CHRM2: variants seen among roughly 807,000 people sequenced by gnomAD.
The protein encoded by CHRM2 is cholinergic receptor muscarinic 2.
CHRM2 carries 8 observed loss-of-function variants against 25.0 expected under a neutral mutation model. The ratio of observed to expected loss-of-function variants is 0.32; its 90% CI spans 0.19 to 0.58. CHRM2 has a LOEUF of 0.58. CHRM2 is among the 20% of genes least tolerant of loss of function. CHRM2 has a pLI of 0.88. For missense variants in CHRM2, 440 were observed against 567.1 expected (o/e 0.78, Z 2.28); for synonymous variants, 202 against 205.7 (o/e 0.98, Z 0.15).
chr7:136,965,088 T>C (rs772126657), intron 2 of CHRM2, among the ~76,000 whole-genome samples: 13 of 152,136 alleles, frequency 8.5e-5, no homozygotes, highest in Non-Finnish European at 1.6e-4. Context: ...TAGATATCTA[T>C]GAATTAATGC....
chr7:136,959,082 A>AT (rs1442716758), intron 2 of CHRM2, among the ~76,000 whole-genome samples: 1 of 152,138 alleles, frequency 6.6e-6, no homozygotes, highest in Non-Finnish European at 1.5e-5. Flanking sequence ...ATAGGCACCA[A>AT]TATCATGTGA....
chr7:136,954,188 T>C (rs1490598226), intron 2 of CHRM2, among the ~76,000 whole-genome samples: 1 of 152,186 alleles, frequency 6.6e-6, no homozygotes, highest in Non-Finnish European at 1.5e-5. Flanking sequence ...TACACATACA[T>C]ATGCATTATA....
At chr7:137,009,498 T>C (rs1804667170) in intron 3 of CHRM2, among the ~76,000 whole-genome samples, 1 of 152,076 alleles carries the variant, frequency 6.6e-6, no homozygotes, top group Admixed American at 6.6e-5. Flanking sequence ...AGCCCCAGTA[T>C]TGTCCTGGAC....
intron 3 of CHRM2, among the ~76,000 whole-genome samples, chr7:136,996,197 A>G (rs552744522): frequency 6.6e-6 from 1 of 152,134 alleles, no homozygotes; most frequent in African/African-American, 2.4e-5. Flanking sequence ...AGTATAAAAT[A>G]TATAAATTAG....
chr7:136,921,791 TTTC>T (rs745451407), intron 2 of CHRM2, among the ~76,000 whole-genome samples: 57 of 140,464 alleles, frequency 4.1e-4, no homozygotes, highest in African/African-American at 5.3e-4. Context: ...TCTTTCTTTC[TTTC>T]TTTTTTTTGA....
At chr7:136,971,395 C>A (rs1801758300) in intron 2 of CHRM2, among the ~76,000 whole-genome samples, 1 of 151,972 alleles carries the variant, frequency 6.6e-6, no homozygotes, top group Non-Finnish European at 1.5e-5. Flanking sequence ...GCAGGGGGAT[C>A]ACCTGAGGTC....
intron 2 of CHRM2, among the ~76,000 whole-genome samples, chr7:136,920,934 T>C (rs183567668): frequency 9.9e-5 from 15 of 152,240 alleles, no homozygotes; most frequent in East Asian, 5.8e-4. Flanking sequence ...TTTTCCTAAA[T>C]ATCCCTTCTA....
intron 2 of CHRM2, among the ~76,000 whole-genome samples, chr7:136,939,893 C>A (rs1448171705): frequency 1.3e-5 from 2 of 152,086 alleles, no homozygotes; most frequent in African/African-American, 2.4e-5. Context: ...ACAATTATAT[C>A]CAGTGAATAT....
At chr7:137,002,266 CA>C (rs1309752071) in intron 3 of CHRM2, among the ~76,000 whole-genome samples, 3 of 152,004 alleles carry the variant, frequency 2.0e-5, no homozygotes, top group African/African-American at 4.8e-5. Flanking sequence ...ATGGTAAATG[CA>C]AGTTACAAAT....
chr7:136,912,812 A>G (rs1025617309), intron 2 of CHRM2, among the ~76,000 whole-genome samples: 5 of 151,986 alleles, frequency 3.3e-5, no homozygotes, highest in Non-Finnish European at 7.4e-5. Context: ...TAAATAAACA[A>G]ATAACAACAT....
chr7:136,971,903 G>A (rs1240860704), intron 2 of CHRM2, among the ~76,000 whole-genome samples: 5 of 151,856 alleles, frequency 3.3e-5, no homozygotes, highest in Admixed American at 6.6e-5. Context: ...TGTATTTTTG[G>A]TGCTAATCTC....
At chr7:136,938,358 G>T (rs1244772686) in intron 2 of CHRM2, 3 of 1,582,402 alleles carry the variant, frequency 1.9e-6, no homozygotes, top group Non-Finnish European at 2.6e-6. Flanking sequence ...GCTGCAGGAG[G>T]CTCCACTTGG....
chr7:136,914,577 ATAAGGCAGTATTATATCAGAGAAAC>A (rs1186815671), intron 2 of CHRM2, among the ~76,000 whole-genome samples: 3 of 151,932 alleles, frequency 2.0e-5, no homozygotes, highest in Non-Finnish European at 4.4e-5. Flanking sequence ...ATAGGAGAAA[ATAAGGCAGTATTATATCAGAGAAAC>A]TAAGGCAGTA....
intron 2 of CHRM2, among the ~76,000 whole-genome samples, chr7:136,905,044 A>G (rs1050195237): frequency 6.6e-5 from 10 of 151,968 alleles, no homozygotes; most frequent in Admixed American, 5.9e-4. Context: ...AAATATTAAT[A>G]TTGGTTGAAA....
chr7:136,923,587 C>A (rs570522856), intron 2 of CHRM2, among the ~76,000 whole-genome samples: 1 of 152,114 alleles, frequency 6.6e-6, no homozygotes, highest in Non-Finnish European at 1.5e-5. Flanking sequence ...CATTAAGGAA[C>A]CCCCAAAGCT....
At position 137,016,310 on chromosome 7, in the gene CHRM2, A is replaced by G. The variant is rs1177204015; in HGVS notation, c.*44A>G. 2 of 1,566,624 alleles carry G rather than the reference A, an allele frequency of 1.3e-6. No homozygotes were observed. The highest frequency in any genetic ancestry group is 4.5e-5 in the East Asian group (2 of 44,364). ...AGAAGGTGGGCAAGGGGAGCTTGAG[A>G]AGAATAAAAGGGATAAACGAGCTCC... On this transcript the variant is annotated 3_prime_UTR_variant, in exon 4 of 4. Coordinates refer to ENST00000680005, the MANE Select transcript of CHRM2 (RefSeq NM_001006630.2).
In CHRM2 at chr7:137,020,171, T is replaced by C. The variant is rs887777050; in HGVS notation, c.*3905T>C. 3.3e-5 allele frequency: 5 copies of C among 150,496 alleles called. No individual in the cohort carries two copies. Among genetic ancestry groups the C allele is most frequent in the South Asian group, 2.1e-4 (1 of 4,800 alleles). The allele number at this position is 150,496 out of a possible 1,614,324, so 9.3% of individuals were successfully genotyped here. A position where few individuals can be genotyped will look rare whatever the true frequency, so the allele number is the denominator to read the frequency against. ...GAATATGCTATGTGCTAAATATATA[T>C]ATATTCTATAAATAAAATAATAAAA... is the stretch of plus-strand genomic sequence containing the variant. On this transcript the variant is annotated 3_prime_UTR_variant, in exon 4 of 4. Transcript: ENST00000680005.
intron 2 of CHRM2, among the ~76,000 whole-genome samples, chr7:136,906,301 GTGTA>G (rs1040180187): frequency 7.3e-5 from 11 of 150,864 alleles, no homozygotes; most frequent in African/African-American, 2.2e-4. Context: ...ACAAATGTGT[GTGTA>G]TGTATGTGTG....
At chr7:136,977,253 A>G (rs1189396093) in intron 2 of CHRM2, among the ~76,000 whole-genome samples, 1 of 152,124 alleles carries the variant, frequency 6.6e-6, no homozygotes, top group Non-Finnish European at 1.5e-5. Flanking sequence ...GTTTCATGAT[A>G]TCTATTCTCT....
Sources: gnomAD v4.1 joint callset for allele counts (sites outside exome capture counted in the v4.1 genomes callset) on GRCh38, gnomAD v4.1.1 for gene constraint, MANE v1.5 for transcripts, NCBI Gene and HGNC (gene_info 2026-07-23, HGNC 2026-07-21) for gene names.